The following EVC2 variants were observed in gnomAD, a reference collection of about 807,000 sequenced individuals.
EVC2 encodes limbin.
EVC2 carries 148 observed loss-of-function variants against 149.3 expected under a neutral mutation model. That is an observed-to-expected ratio of 0.99 (90% confidence interval 0.87 to 1.14). The LOEUF is 1.14. Ranked by LOEUF, EVC2 falls within the 50% of genes most tolerant of loss-of-function variation. The pLI is 0.00. For missense variants in EVC2, 1,854 were observed against 1,627.3 expected (o/e 1.14, Z -2.40); for synonymous variants, 776 against 649.9 (o/e 1.19, Z -2.95).
chr4:5,696,360 C>CT lies in EVC2; in HGVS notation c.283+1232dup, dbSNP rs1258586201. Among the ~76,000 whole-genome samples, 1 of 152,200 alleles carries CT rather than the reference C, an allele frequency of 6.6e-6. No homozygotes were observed. On this transcript the variant is annotated intron_variant, in intron 2 of 21. Coordinates refer to ENST00000344408, the MANE Select transcript of EVC2 (RefSeq NM_147127.5). This position sits in a 1 kb window ranked among gnomAD's most constrained non-coding sequence, Gnocchi z 4.1. ...CTATTCAGCAAGAATCCCGCTCAGT[C>CT]TACAGAGCCAAGTGGGGCCCACCCG...
At chr4:5,671,600 C>T (rs1719654156) in intron 7 of EVC2, among the ~76,000 whole-genome samples, 1 of 152,224 alleles carries the variant, frequency 6.6e-6, no homozygotes, top group African/African-American at 2.4e-5. Context: ...CAACCTCCAC[C>T]TCCTGGGTTC....
chr4:5,593,068 G>A (rs1712976582), intron 16 of EVC2, among the ~76,000 whole-genome samples: 1 of 152,136 alleles, frequency 6.6e-6, no homozygotes, highest in Admixed American at 6.5e-5. Context: ...GCCATGTGAA[G>A]AAGTATATGT....
chr4:5,568,497 G>A lies in EVC2; in HGVS notation c.3504C>T (p.Asp1168=). ...CTCCGCCATCGCTCTCAGCTGCGTGGTCCACATGTCTCTCGGTGGCCGAAT... is the reference window on the plus strand; with the variant it reads ...CTCCGCCATCGCTCTCAGCTGCGTGATCCACATGTCTCTCGGTGGCCGAAT... The part of the protein sequence containing the change: ...LLDSATERHV[D]HAAESDGGAE... The change falls in exon 20 of 22, where the codon GAC becomes GAT. Residue 1168 remains aspartate, a synonymous_variant. Coordinates refer to ENST00000344408, the MANE Select transcript of EVC2 (RefSeq NM_147127.5). 1.9e-6 allele frequency: 3 copies of A among 1,586,424 alleles called. No homozygotes were observed. Among genetic ancestry groups the A allele is most frequent in the Non-Finnish European group, 2.6e-6 (3 of 1,172,942 alleles).
Position 5,613,282 on chromosome 4 carries a change from A to G in EVC2, c.2829+2140T>C, listed in dbSNP as rs1269137241. Among the ~76,000 whole-genome samples, 1 of 152,118 alleles carries G rather than the reference A, an allele frequency of 6.6e-6. No homozygotes were observed. The highest frequency in any genetic ancestry group is 1.5e-5 in the Non-Finnish European group (1 of 68,016). On this transcript the variant is annotated intron_variant, in intron 16 of 21. Coordinates refer to ENST00000344408, the MANE Select transcript of EVC2 (RefSeq NM_147127.5). This position sits in a 1 kb window ranked among gnomAD's most constrained non-coding sequence, Gnocchi z 4.6. ...TCAACCCTCTGGGTTCCCTCTGTGC[A>G]CTGTGGCCTCCAGCACAGTCCAGGA...
At position 5,622,645 on chromosome 4, in the gene EVC2, C is replaced by G. The variant is rs1193370351; in HGVS notation, c.2393G>C (p.Arg798Thr). ...AEQLEGEERD[R>T]DQEGVQSVRQ... Reference sequence around the variant, plus strand: ...CACGCTCTGGACACCCTCCTGGTCCCTGTCCCTCTCCTCCCCCTCCAGCTG... The same window carrying G: ...CACGCTCTGGACACCCTCCTGGTCCGTGTCCCTCTCCTCCCCCTCCAGCTG... The change falls in exon 14 of 22, where the codon AGG (arginine) becomes ACG (threonine). Residue 798 changes from arginine to threonine, a missense_variant. Transcript: ENST00000344408. The surrounding 1 kb of genome is among the most constrained non-coding windows in gnomAD (Gnocchi z 5.8). The G allele has an allele frequency of 1.2e-6, 2 of 1,614,088 alleles. No individual in the cohort carries two copies. The highest frequency in any genetic ancestry group is 3.3e-5 in the Admixed American group (2 of 60,018).
chr4:5,610,594 T>C (rs963075246), intron 16 of EVC2, among the ~76,000 whole-genome samples: 3 of 151,942 alleles, frequency 2.0e-5, no homozygotes, highest in African/African-American at 7.3e-5. Context: ...ACCATAGACA[T>C]GAGCTCAGGG....
chr4:5,633,815 A>G lies in EVC2; in HGVS notation c.1471-1783T>C, dbSNP rs1339037221. Among the ~76,000 whole-genome samples, 5 of 152,346 alleles carry G rather than the reference A, an allele frequency of 3.3e-5. No homozygotes were observed. The East Asian group carries it at 9.7e-4, about 29-fold the overall frequency. ...CACCAGAATTCTCTGGTTTCAGTAAATAGCATCACTTGCTCCCCAATTTCC... is the reference window on the plus strand; with the variant it reads ...CACCAGAATTCTCTGGTTTCAGTAAGTAGCATCACTTGCTCCCCAATTTCC... On this transcript the variant is annotated intron_variant, in intron 10 of 21. Transcript: ENST00000344408. This position sits in a 1 kb window ranked among gnomAD's most constrained non-coding sequence, Gnocchi z 4.4.
chr4:5,625,666 G>A lies in EVC2; in HGVS notation c.2046+83C>T. 3 of 1,566,986 alleles carry A rather than the reference G, an allele frequency of 1.9e-6. No individual in the cohort carries two copies. The highest frequency in any genetic ancestry group is 1.7e-6 in the Non-Finnish European group (2 of 1,144,392). ...CCCTTCTGATCCTAGTTCACCAATG[G>A]CAATGTCTGGCACAGTACCTGGCAC... On this transcript the variant is annotated intron_variant, in intron 13 of 21. Transcript: ENST00000344408. The surrounding 1 kb of genome is among the most constrained non-coding windows in gnomAD (Gnocchi z 4.0).
At chr4:5,681,864 C>T (rs34170652) in intron 6 of EVC2, among the ~76,000 whole-genome samples, 20,614 of 152,136 alleles carry the variant, frequency 0.14, 1,587 homozygotes, top group African/African-American at 0.21. Flanking sequence ...CAAGACCCAC[C>T]GTGAGAACAT....
At chr4:5,676,847 C>CT (rs941700782) in intron 7 of EVC2, among the ~76,000 whole-genome samples, 79 of 151,516 alleles carry the variant, frequency 5.2e-4, no homozygotes, top group Middle Eastern at 6.9e-3. Flanking sequence ...ATTCTTCGGT[C>CT]TTTTTTTTTC....
intron 9 of EVC2, among the ~76,000 whole-genome samples, chr4:5,653,033 G>A (rs556433348): frequency 1.3e-5 from 2 of 152,256 alleles, no homozygotes; most frequent in Admixed American, 1.3e-4. Flanking sequence ...ATGCCAGCTC[G>A]GTGTTGCCAG....
intron 9 of EVC2, among the ~76,000 whole-genome samples, chr4:5,662,615 T>C (rs964903075): frequency 4.1e-5 from 6 of 145,034 alleles, no homozygotes; most frequent in Admixed American, 3.5e-4. Context: ...TTTAAATATA[T>C]TTAGATTAAT....
intron 9 of EVC2, among the ~76,000 whole-genome samples, chr4:5,653,103 T>C (rs1246717222): frequency 6.6e-6 from 1 of 152,176 alleles, no homozygotes; most frequent in African/African-American, 2.4e-5. Context: ...TCTCTTCACA[T>C]GGGGTCCCTC....
intron 16 of EVC2, among the ~76,000 whole-genome samples, chr4:5,591,244 T>G (rs1712765344): frequency 6.6e-6 from 1 of 152,224 alleles, no homozygotes; most frequent in Non-Finnish European, 1.5e-5. Flanking sequence ...CCTTTGCCCC[T>G]TTCTCTAAGT....
intron 16 of EVC2, among the ~76,000 whole-genome samples, chr4:5,596,167 G>C (rs549521393): frequency 6.6e-6 from 1 of 152,214 alleles, no homozygotes; most frequent in African/African-American, 2.4e-5. Flanking sequence ...CAACAAGACA[G>C]AAAGTTAACA....
chr4:5,655,782 AGAGG>A (rs141064066), intron 9 of EVC2, among the ~76,000 whole-genome samples: 7,658 of 109,454 alleles, frequency 0.07, 576 homozygotes, highest in African/African-American at 0.2. Flanking sequence ...AGGGAAGAAG[AGAGG>A]GAGGGAGGGA....
chr4:5,591,186 T>C (rs927642240), intron 16 of EVC2, among the ~76,000 whole-genome samples: 1 of 152,194 alleles, frequency 6.6e-6, no homozygotes, highest in Non-Finnish European at 1.5e-5. Flanking sequence ...TCCTATAGCT[T>C]ATTAAATATA....
At chr4:5,594,944 G>A (rs13113581) in intron 16 of EVC2, among the ~76,000 whole-genome samples, 50,042 of 152,042 alleles carry the variant, frequency 0.33, 9,349 homozygotes, top group South Asian at 0.45. Context: ...GAGCCGATGC[G>A]ATCAACTGGA....
chr4:5,567,017 G>A lies in EVC2; in HGVS notation c.3557+1427C>T, dbSNP rs916958904. The stretch of plus-strand genomic sequence containing the variant: ...GGCTCCTAATATTCCATGGAGGAGC[G>A]TAGCATAGAGCATGTAACTGTCATC... On this transcript the variant is annotated intron_variant, in intron 20 of 21. Transcript: ENST00000344408. The surrounding 1 kb of genome is among the most constrained non-coding windows in gnomAD (Gnocchi z 4.4). Among the ~76,000 whole-genome samples the A allele has an allele frequency of 1.6e-4, 24 of 152,214 alleles. No homozygotes were observed. The highest frequency in any genetic ancestry group is 8.3e-4 in the South Asian group (4 of 4,822).
Sources: allele counts gnomAD v4.1 joint callset (sites outside exome capture counted in the v4.1 genomes callset), GRCh38; gene constraint gnomAD v4.1.1; non-coding constraint Gnocchi (gnomAD v3.1); transcripts MANE v1.5; gene names NCBI Gene and HGNC (gene_info 2026-07-23, HGNC 2026-07-21).